Variants in COL21A1 observed in about 807,000 individuals in gnomAD.
The protein encoded by COL21A1 is collagen type XXI alpha 1 chain.
COL21A1 carries 149 observed loss-of-function variants against 137.9 expected under a neutral mutation model. The ratio of observed to expected loss-of-function variants is 1.08; its 90% CI spans 0.95 to 1.24. The LOEUF (loss-of-function observed/expected upper bound fraction) is 1.24. Ranked by LOEUF, COL21A1 falls within the 50% of genes most tolerant of loss-of-function variation. The probability of loss-of-function intolerance (pLI) is 0.00; values close to 1 mark genes in which losing one functional copy is unlikely to be tolerated. For synonymous variants in COL21A1, 456 were observed against 391.5 expected (o/e 1.16, Z -1.95); for missense variants, 1,167 against 1,158.4 (o/e 1.01, Z -0.11).
intron 1 of COL21A1, among the ~76,000 whole-genome samples, chr6:56,342,022 T>C (rs1261221747): frequency 1.3e-5 from 2 of 152,206 alleles, no homozygotes; most frequent in Non-Finnish European, 2.9e-5. Context: ...TTAAAAATGA[T>C]CATTTTCCCT....
chr6:56,380,543 G>A (rs2094007127), intron 1 of COL21A1, among the ~76,000 whole-genome samples: 1 of 152,058 alleles, frequency 6.6e-6, no homozygotes, highest in African/African-American at 2.4e-5. Context: ...AATACTCACA[G>A]GGCCTTCGTG....
intron 1 of COL21A1, among the ~76,000 whole-genome samples, chr6:56,371,993 G>T (rs2093989992): frequency 6.6e-6 from 1 of 152,140 alleles, no homozygotes; most frequent in South Asian, 2.1e-4. Context: ...TTAGCAAAGT[G>T]AAGGGGGACA....
intron 10 of COL21A1, among the ~76,000 whole-genome samples, chr6:56,144,813 G>C (rs1056065072): frequency 2.0e-5 from 3 of 152,182 alleles, no homozygotes; most frequent in African/African-American, 7.2e-5. Context: ...CGATGAATTT[G>C]AAATTGGAAA....
chr6:56,270,398 G>C (rs1763498689), intron 1 of COL21A1, among the ~76,000 whole-genome samples: 1 of 152,148 alleles, frequency 6.6e-6, no homozygotes, highest in African/African-American at 2.4e-5. Flanking sequence ...CCTGACATCG[G>C]AGCACCCAGA....
intron 9 of COL21A1, among the ~76,000 whole-genome samples, chr6:56,161,675 T>A (rs1263688220): frequency 6.6e-6 from 1 of 152,164 alleles, no homozygotes; most frequent in African/African-American, 2.4e-5. Context: ...TCATTAGGGA[T>A]AAAAAATAAG....
chr6:56,099,552 T>C (rs1770254656), intron 17 of COL21A1, among the ~76,000 whole-genome samples: 6 of 151,972 alleles, frequency 3.9e-5, no homozygotes, highest in Admixed American at 3.9e-4. Context: ...TCCTAAATTA[T>C]ATCCAAGCTC....
chr6:56,064,533 G>A (rs1385640723), intron 24 of COL21A1, 45 bp downstream of exon 24: 3 of 1,313,100 alleles, frequency 2.3e-6, no homozygotes, highest in African/African-American at 2.9e-5. Flanking sequence ...GTCCAGTTAT[G>A]TGACTTGTTA....
chr6:56,258,040 T>C (rs2152330145), intron 1 of COL21A1, among the ~76,000 whole-genome samples: 1 of 152,168 alleles, frequency 6.6e-6, no homozygotes, highest in South Asian at 2.1e-4. Context: ...TTCTTGAAGT[T>C]TTTTACAATA....
intron 1 of COL21A1, chr6:56,276,677 C>T: frequency 6.9e-7 from 1 of 1,440,872 alleles, no homozygotes; most frequent in Non-Finnish European, 9.7e-7. Context: ...CCTGCATGAT[C>T]CTTGTCACAA....
chr6:56,306,636 T>C (rs1764464884), intron 1 of COL21A1, among the ~76,000 whole-genome samples: 1 of 152,070 alleles, frequency 6.6e-6, no homozygotes, highest in Non-Finnish European at 1.5e-5. Flanking sequence ...ATTTATCTAA[T>C]TTTTTTTCAA....
chr6:56,177,648 AG>A (rs1467444646), intron 3 of COL21A1, among the ~76,000 whole-genome samples: 3 of 151,928 alleles, frequency 2.0e-5, no homozygotes, highest in Non-Finnish European at 4.4e-5. Context: ...AGAAAAAATT[AG>A]CCGGGCGTGG....
chr6:56,169,058 A>AT (rs1289008061), intron 5 of COL21A1, among the ~76,000 whole-genome samples: 1 of 152,034 alleles, frequency 6.6e-6, no homozygotes, highest in Non-Finnish European at 1.5e-5. Flanking sequence ...TCCTCTAAAC[A>AT]TAAGTTTCTT....
At chr6:56,352,546 A>G (rs1196351118) in intron 1 of COL21A1, among the ~76,000 whole-genome samples, 2 of 151,996 alleles carry the variant, frequency 1.3e-5, no homozygotes, top group African/African-American at 4.8e-5. Flanking sequence ...TAAGGAAAAA[A>G]AAAAGAAAAA....
At chr6:56,192,497 A>G (rs1399530499) in intron 1 of COL21A1, among the ~76,000 whole-genome samples, 1 of 151,792 alleles carries the variant, frequency 6.6e-6, no homozygotes, top group East Asian at 1.9e-4. Flanking sequence ...TACAAGAAAA[A>G]AAAACAACCC....
chr6:56,289,317 A>G (rs1379115987), intron 1 of COL21A1, among the ~76,000 whole-genome samples: 1 of 152,198 alleles, frequency 6.6e-6, no homozygotes, highest in Admixed American at 6.5e-5. Context: ...TCCTTCCAGC[A>G]ATATACAATG....
intron 1 of COL21A1, among the ~76,000 whole-genome samples, chr6:56,352,940 C>T (rs9475679): frequency 0.16 from 24,985 of 151,984 alleles, 2,186 homozygotes; most frequent in Non-Finnish European, 0.18. Flanking sequence ...ACTCGGGAGG[C>T]TGAGGCAGGA....
intron 3 of COL21A1, among the ~76,000 whole-genome samples, chr6:56,172,965 C>G (rs186604518): frequency 2.2e-4 from 34 of 151,196 alleles, no homozygotes; most frequent in Middle Eastern, 6.8e-3. Flanking sequence ...CAAAGGAAGA[C>G]AGTAAAAGAA....
At chr6:56,327,291 AT>A (rs766506266) in intron 1 of COL21A1, among the ~76,000 whole-genome samples, 1 of 151,934 alleles carries the variant, frequency 6.6e-6, no homozygotes, top group Non-Finnish European at 1.5e-5. Flanking sequence ...AAAATTAAAA[AT>A]GTTAAAAAAT....
rs1260581920 is a variant in COL21A1, at chr6:56,124,056, A to G, written c.1758+6T>C. On this transcript the variant is annotated splice_donor_region_variant and intron_variant, in intron 16 of 29. Coordinates refer to ENST00000244728, the MANE Select transcript of COL21A1 (RefSeq NM_030820.4). ...GTTTTGTCCTTTTTTTTTTTTTTAT[A>G]AATACCTTGAAACCGGGACTACCCA... 2 of 1,489,878 alleles carry G rather than the reference A, an allele frequency of 1.3e-6. No homozygotes were observed. The highest frequency in any genetic ancestry group is 1.4e-5 in the South Asian group (1 of 73,704). 92.3% of individuals were successfully genotyped at this position (1,489,878 alleles called of 1,614,324 possible). A position where few individuals can be genotyped will look rare whatever the true frequency, so the allele number is the denominator to read the frequency against.
Sources: allele counts gnomAD v4.1 joint callset (sites outside exome capture counted in the v4.1 genomes callset), GRCh38; gene constraint gnomAD v4.1.1; transcripts MANE v1.5; gene names NCBI Gene and HGNC (gene_info 2026-07-23, HGNC 2026-07-21).